MECOM: variants seen among roughly 807,000 people sequenced by gnomAD.
The protein encoded by MECOM is histone-lysine N-methyltransferase MECOM.
MECOM carries 13 observed loss-of-function variants against 116.3 expected under a neutral mutation model. The observed-to-expected ratio is 0.11, with a 90% CI of 0.07 to 0.18. The LOEUF (loss-of-function observed/expected upper bound fraction) is 0.18. Among genes scored for constraint, MECOM ranks in the 10% least tolerant of loss-of-function variants. The probability of loss-of-function intolerance (pLI) is 1.00; values close to 1 mark genes in which losing one functional copy is unlikely to be tolerated. For missense variants in MECOM, 1,299 were observed against 1,509.0 expected (o/e 0.86, Z 2.31); for synonymous variants, 528 against 535.2 (o/e 0.99, Z 0.19).
intron 1 of MECOM, chr3:169,447,774 T>A (rs956595516): frequency 6.6e-6 from 1 of 152,104 alleles, no homozygotes; most frequent in African/African-American, 2.4e-5. Context: ...TTGAAATACA[T>A]CTCGAACAAG....
chr3:169,475,848 C>A (rs919962817), intron 1 of MECOM, among the ~76,000 whole-genome samples: 1 of 152,116 alleles, frequency 6.6e-6, no homozygotes, highest in Non-Finnish European at 1.5e-5. Flanking sequence ...TAGGAGCTAG[C>A]ATGGATGTCT....
chr3:169,286,539 G>A (rs142419594), intron 2 of MECOM, among the ~76,000 whole-genome samples: 164 of 152,128 alleles, frequency 1.1e-3, no homozygotes, highest in Non-Finnish European at 1.9e-3. Flanking sequence ...GGTTGACAAC[G>A]CTCCCTGCAA....
At chr3:169,472,725 G>GGGAA (rs139566154) in intron 1 of MECOM, among the ~76,000 whole-genome samples, 5 of 121,702 alleles carry the variant, frequency 4.1e-5, no homozygotes, top group Middle Eastern at 3.8e-3. Context: ...GGGAGGGAGG[G>GGGAA]GGAAGGAAGG....
chr3:169,626,553 T>C (rs1035387783), intron 1 of MECOM, among the ~76,000 whole-genome samples: 3 of 152,216 alleles, frequency 2.0e-5, no homozygotes, highest in African/African-American at 7.2e-5. Context: ...TGAACTAGCC[T>C]GTGGTGAGTA....
At position 169,381,175 on chromosome 3, in the gene MECOM, A is replaced by G. The variant is rs1400770016; in HGVS notation, c.375+12T>C. On this transcript the variant is annotated intron_variant, in intron 2 of 16. Coordinates refer to ENST00000651503, the MANE Select transcript of MECOM (RefSeq NM_004991.4). ...CAATATATAAATGTGTTAACTCAAA[A>G]TACATTCTTACCTCCCATCCATAAC... is the stretch of plus-strand genomic sequence containing the variant. 6.3e-7 allele frequency: 1 copy of G among 1,588,592 alleles called. No homozygotes were observed. Among genetic ancestry groups the G allele is most frequent in the Non-Finnish European group, 8.6e-7 (1 of 1,163,276 alleles).
intron 2 of MECOM, among the ~76,000 whole-genome samples, chr3:169,237,993 G>T (rs1056086206): frequency 2.0e-5 from 3 of 151,818 alleles, no homozygotes; most frequent in Non-Finnish European, 4.4e-5. Flanking sequence ...TGGCCAGCAT[G>T]GTGAAACTCC....
chr3:169,241,512 C>A (rs1232195960), intron 2 of MECOM, among the ~76,000 whole-genome samples: 1 of 152,016 alleles, frequency 6.6e-6, no homozygotes, highest in African/African-American at 2.4e-5. Flanking sequence ...ATGGAATGTA[C>A]CTTAAGCTAG....
chr3:169,084,989 G>T lies in MECOM; in HGVS notation c.3640C>A (p.His1214Asn). The change falls in exon 17 of 17, where the codon CAC (histidine) becomes AAC (asparagine). Residue 1214 changes from histidine to asparagine, a missense_variant. By Grantham distance (68) the His-to-Asn change is moderately conservative. Around this residue, in one of 6 missense-constraint regions of MECOM, gnomAD observed 273 missense variants for 289.3 expected, o/e 0.94. Coordinates refer to ENST00000651503, the MANE Select transcript of MECOM (RefSeq NM_004991.4). Reference protein sequence around the residue: ...SDKESLHSTSHSSSNVWHSMA... With the variant: ...SDKESLHSTSNSSSNVWHSMA... ...CTGTGCCACACGTTGGAAGAACTGT[G>T]GGATGTAGAATGGAGGGACTCCTTG... 1.2e-6 allele frequency: 2 copies of T among 1,614,106 alleles called. No individual in the cohort carries two copies. The highest frequency in any genetic ancestry group is 1.7e-6 in the Non-Finnish European group (2 of 1,180,010).
chr3:169,227,962 G>A (rs530499575), intron 2 of MECOM, among the ~76,000 whole-genome samples: 1 of 152,224 alleles, frequency 6.6e-6, no homozygotes, highest in African/African-American at 2.4e-5. Flanking sequence ...TTCTCCCACA[G>A]CCCAAGAACA....
At chr3:169,420,977 AAT>A (rs1739630858) in intron 1 of MECOM, among the ~76,000 whole-genome samples, 2 of 152,102 alleles carry the variant, frequency 1.3e-5, no homozygotes. Context: ...CATTCCATAG[AAT>A]ATTATATTAT....
intron 1 of MECOM, among the ~76,000 whole-genome samples, chr3:169,456,199 A>G (rs1443913227): frequency 6.6e-6 from 1 of 152,162 alleles, no homozygotes; most frequent in East Asian, 1.9e-4. Context: ...GTGACCCACC[A>G]CTACATGAGT....
chr3:169,323,254 A>C (rs931958488), intron 2 of MECOM, among the ~76,000 whole-genome samples: 4 of 152,160 alleles, frequency 2.6e-5, no homozygotes, highest in African/African-American at 9.7e-5. Flanking sequence ...GTCAGAAACC[A>C]GTGCTGAGTA....
chr3:169,486,006 C>CTA (rs200665668), intron 1 of MECOM, among the ~76,000 whole-genome samples: 1 of 108,562 alleles, frequency 9.2e-6, no homozygotes, highest in Non-Finnish European at 1.7e-5. Flanking sequence ...TATATATATA[C>CTA]TATATATATA....
chr3:169,594,553 C>A (rs1468541726), intron 1 of MECOM, among the ~76,000 whole-genome samples: 2 of 151,840 alleles, frequency 1.3e-5, no homozygotes, highest in African/African-American at 2.4e-5. Flanking sequence ...AGTTCGACAA[C>A]CACTACCCTG....
At chr3:169,536,322 G>A (rs1185812430) in intron 1 of MECOM, among the ~76,000 whole-genome samples, 3 of 150,108 alleles carry the variant, frequency 2.0e-5, no homozygotes, top group Non-Finnish European at 4.4e-5. Context: ...AGTGGATTTG[G>A]AGCTCTGTTT....
At chr3:169,362,106 C>T (rs1728402406) in intron 2 of MECOM, among the ~76,000 whole-genome samples, 1 of 151,886 alleles carries the variant, frequency 6.6e-6, no homozygotes, top group Non-Finnish European at 1.5e-5. Flanking sequence ...TTAAAGTTAA[C>T]TTGTATTCTT....
chr3:169,217,021 A>C (rs917189759), intron 2 of MECOM, among the ~76,000 whole-genome samples: 1 of 152,226 alleles, frequency 6.6e-6, no homozygotes, highest in Non-Finnish European at 1.5e-5. Context: ...CATAGAGAAC[A>C]ACCGACAGAT....
At position 169,223,737 on chromosome 3, in the gene MECOM, C is replaced by T. The variant is rs182834678; in HGVS notation, c.376-79905G>A. On this transcript the variant is annotated intron_variant, in intron 2 of 16. Coordinates refer to ENST00000651503, the MANE Select transcript of MECOM (RefSeq NM_004991.4). ...TCTATTATTGATAGTAATAGTACTACAATATCCAACCACTTGATTTAACAG... is the reference window on the plus strand; with the variant it reads ...TCTATTATTGATAGTAATAGTACTATAATATCCAACCACTTGATTTAACAG... Among the ~76,000 whole-genome samples the T allele has an allele frequency of 2.6e-4, 39 of 152,230 alleles. 1 individual carries two copies. The South Asian group carries it at 5.2e-3, about 20-fold the overall frequency.
chr3:169,308,202 C>T (rs1001217243), intron 2 of MECOM, among the ~76,000 whole-genome samples: 1 of 152,124 alleles, frequency 6.6e-6, no homozygotes, highest in African/African-American at 2.4e-5. Context: ...AGAGCAAGTG[C>T]TGGGCCTATG....
Sources: gnomAD v4.1 joint callset for allele counts (sites outside exome capture counted in the v4.1 genomes callset) on GRCh38, gnomAD v4.1.1 for gene constraint, gnomAD v4.1.1 regional missense constraint, MANE v1.5 for transcripts, NCBI Gene and HGNC (gene_info 2026-07-23, HGNC 2026-07-21) for gene names.